Variants in TBPL1 observed in about 807,000 individuals in gnomAD.
The protein encoded by TBPL1 is TATA box-binding protein-like 1.
TBPL1 carries 4 observed loss-of-function variants against 22.1 expected under a neutral mutation model. The ratio of observed to expected loss-of-function variants is 0.18; its 90% CI spans 0.09 to 0.41. The LOEUF (loss-of-function observed/expected upper bound fraction) is 0.41, where lower values mean the gene tolerates loss of function less well. Ranked by LOEUF, TBPL1 falls within the 10% of genes least tolerant of loss-of-function variation. The probability of loss-of-function intolerance (pLI) is 1.00; values close to 1 mark genes in which losing one functional copy is unlikely to be tolerated. For missense variants in TBPL1, 115 were observed against 222.3 expected (o/e 0.52, Z 3.07); for synonymous variants, 64 against 71.0 (o/e 0.90, Z 0.50).
rs1776144041 is a variant in TBPL1 at position 133,967,689 on chromosome 6, G to A, written c.-44-12393G>A. ...TAAGTATTTGGGTATCTAAACATAG[G>A]AAAGGTGTAGTAGAACTACGGTATT... On this transcript the variant is annotated intron_variant, in intron 1 of 6. Coordinates refer to ENST00000237264, the MANE Select transcript of TBPL1 (RefSeq NM_004865.4). 2.6e-5 allele frequency among the ~76,000 whole-genome samples: 4 copies of A among 152,144 alleles called. 1 individual carries two copies. In the South Asian group the frequency reaches 8.3e-4, roughly 31 times the overall value.
At chr6:133,954,205 TCTGA>T (rs1477509344) in intron 1 of TBPL1, among the ~76,000 whole-genome samples, 4 of 152,250 alleles carry the variant, frequency 2.6e-5, no homozygotes, top group African/African-American at 7.2e-5. Flanking sequence ...CTGTGAGCTC[TCTGA>T]CTGCATCTGT....
Position 133,982,799 on chromosome 6 carries a change from CT to C in TBPL1, c.219-15del. The C allele has an allele frequency of 6.2e-7, 1 of 1,605,938 alleles. No homozygotes were observed. Among genetic ancestry groups the C allele is most frequent in the Non-Finnish European group, 8.5e-7 (1 of 1,177,824 alleles). On this transcript the variant is annotated splice_polypyrimidine_tract_variant and intron_variant, in intron 3 of 6. Transcript: ENST00000237264. ...TTCCTGTGTAACTGATAATCTTTTT[CT>C]TTCCTTAAAACCGTAGTGAAGAAGA...
chr6:133,953,990 A>G (rs1775883738), intron 1 of TBPL1, among the ~76,000 whole-genome samples: 1 of 152,194 alleles, frequency 6.6e-6, no homozygotes, highest in South Asian at 2.1e-4. Context: ...AGGATCTAGA[A>G]CTGAAGAAGA....
In TBPL1 at chr6:133,982,638, C is replaced by A; in HGVS notation, c.206C>A (p.Thr69Asn). The A allele has an allele frequency of 6.2e-7, 1 of 1,613,094 alleles. No individual in the cohort carries two copies. The highest frequency in any genetic ancestry group is 8.5e-7 in the Non-Finnish European group (1 of 1,179,690). The stretch of plus-strand genomic sequence containing the variant: ...TGGTCCTCAGGAAAAATTATTTGCA[C>A]TGGAGCAACAAGGTAAATGCTACTT... The part of the protein sequence containing the change: ...TIWSSGKIIC[T>N]GATSEEEAKF... Residue 69 changes from threonine to asparagine, a missense_variant, in exon 3 of 7, where the codon ACT becomes AAT. Transcript: ENST00000237264.
At chr6:133,960,549 A>C (rs1776004093) in intron 1 of TBPL1, among the ~76,000 whole-genome samples, 1 of 151,988 alleles carries the variant, frequency 6.6e-6, no homozygotes. Context: ...CTGTACATTT[A>C]GAATGCATGC....
chr6:133,981,543 T>C (rs1562666524), intron 2 of TBPL1, among the ~76,000 whole-genome samples: 2 of 152,208 alleles, frequency 1.3e-5, no homozygotes, highest in Non-Finnish European at 2.9e-5. Context: ...GACAATTAAA[T>C]GTAGGATAAA....
intron 1 of TBPL1, among the ~76,000 whole-genome samples, chr6:133,965,267 TTTAAAA>T (rs1323757939): frequency 6.6e-6 from 1 of 152,156 alleles, no homozygotes; most frequent in Non-Finnish European, 1.5e-5. Context: ...CTTTTTAGCT[TTTAAAA>T]TTATAGTCCG....
chr6:133,969,252 T>A (rs944691456), intron 1 of TBPL1, among the ~76,000 whole-genome samples: 1 of 94,600 alleles, frequency 1.1e-5, no homozygotes, highest in Non-Finnish European at 2.0e-5. Flanking sequence ...TAAAATACAC[T>A]TTTTTTTTTT....
At chr6:133,984,047 AT>A (rs574219078) in intron 4 of TBPL1, among the ~76,000 whole-genome samples, 1 of 152,044 alleles carries the variant, frequency 6.6e-6, no homozygotes, top group South Asian at 2.1e-4. Flanking sequence ...CTGGACTTAA[AT>A]TTTTTTTCCC....
chr6:133,974,173 C>G (rs1252872981), intron 1 of TBPL1, among the ~76,000 whole-genome samples: 1 of 152,156 alleles, frequency 6.6e-6, no homozygotes, highest in African/African-American at 2.4e-5. Flanking sequence ...GGACCTCTGT[C>G]TACATCTCTA....
At chr6:133,955,357 G>A (rs2114313248) in intron 1 of TBPL1, among the ~76,000 whole-genome samples, 1 of 151,518 alleles carries the variant, frequency 6.6e-6, no homozygotes, top group Admixed American at 6.6e-5. Context: ...AACTTTGGTG[G>A]TAGTTTAGTT....
chr6:133,984,785 A>G, intron 6 of TBPL1, 114 bp downstream of exon 6: 3 of 856,484 alleles, frequency 3.5e-6, no homozygotes, highest in Non-Finnish European at 5.5e-6. Context: ...TCTGCCCTTT[A>G]GAGGAACCAG....
rs140691199 is a variant in TBPL1 at position 133,960,369 on chromosome 6, G to A, written c.-45+6944G>A. On this transcript the variant is annotated intron_variant, in intron 1 of 6. Transcript: ENST00000237264. ...CAGATTAAAAAGCTATATTGCTAATGGAAATCTGTAGGTCTCAGTATAGCA... is the reference window on the plus strand; with the variant it reads ...CAGATTAAAAAGCTATATTGCTAATAGAAATCTGTAGGTCTCAGTATAGCA... Among the ~76,000 whole-genome samples the A allele has an allele frequency of 9.5e-3, 1,440 of 151,370 alleles. 33 individuals carry two copies. Among genetic ancestry groups the A allele is most frequent in the African/African-American group, 0.032 (1,301 of 41,244 alleles).
At chr6:133,961,400 T>C (rs1232414143) in intron 1 of TBPL1, among the ~76,000 whole-genome samples, 3 of 151,902 alleles carry the variant, frequency 2.0e-5, no homozygotes, top group East Asian at 3.9e-4. Flanking sequence ...GTTGCTCTTC[T>C]CCCAGTGTTT....
rs954297830 is a variant in TBPL1, at chr6:133,989,145, G to A, written c.*2105G>A. ...CTAACCTTAACAAAGATGGGAAGAA[G>A]TGAGTGCTCTGATGTCTTCTGCTGG... On this transcript the variant is annotated 3_prime_UTR_variant, in exon 7 of 7. Transcript: ENST00000237264. The A allele has an allele frequency of 2.6e-5, 4 of 152,184 alleles. No homozygotes were observed. The highest frequency in any genetic ancestry group is 1.5e-5 in the Non-Finnish European group (1 of 68,044). 9.4% of individuals were successfully genotyped at this position (152,184 alleles called of 1,614,324 possible). A position where few individuals can be genotyped will look rare whatever the true frequency, so the allele number is the denominator to read the frequency against.
intron 1 of TBPL1, among the ~76,000 whole-genome samples, chr6:133,969,439 T>A (rs1776180584): frequency 6.6e-6 from 1 of 152,158 alleles, no homozygotes; most frequent in African/African-American, 2.4e-5. Context: ...ATATCTAGAT[T>A]GAGTCTCATA....
At position 133,985,297 on chromosome 6, in the gene TBPL1, AATATATATATATAT is replaced by A. The variant is rs3068194; in HGVS notation, c.481+654_481+667del. 4.6e-3 allele frequency among the ~76,000 whole-genome samples: 199 copies of A among 42,812 alleles called. 3 individuals carry two copies. The highest frequency in any genetic ancestry group is 9.4e-3 in the South Asian group (9 of 958). 28.1% of individuals were successfully genotyped at this position (42,812 alleles called of 152,430 possible). Reference sequence around the variant, plus strand: ...TGTCTAAAAAAAAAAAAAAAAAAAAAATATATATATATATATATATATATATATATATATATATA... The same window carrying A: ...TGTCTAAAAAAAAAAAAAAAAAAAAAATATATATATATATATATATATATA... On this transcript the variant is annotated intron_variant, in intron 6 of 6. Coordinates refer to ENST00000237264, the MANE Select transcript of TBPL1 (RefSeq NM_004865.4).
rs1006423088 is a variant in TBPL1, at chr6:133,989,915, GT to G, written c.*2881del. Reference sequence around the variant, plus strand: ...CAAGTTAGGTTGTTCGTGCTTTTAAGTTTTTTGTGTGTCTTCCATCACTTAA... The same window carrying G: ...CAAGTTAGGTTGTTCGTGCTTTTAAGTTTTTGTGTGTCTTCCATCACTTAA... On this transcript the variant is annotated 3_prime_UTR_variant, in exon 7 of 7. Coordinates refer to ENST00000237264, the MANE Select transcript of TBPL1 (RefSeq NM_004865.4). The G allele has an allele frequency of 6.6e-6, 1 of 152,172 alleles. No homozygotes were observed. Among genetic ancestry groups the G allele is most frequent in the African/African-American group, 2.4e-5 (1 of 41,462 alleles). 9.4% of individuals were successfully genotyped at this position (152,172 alleles called of 1,614,324 possible).
At chr6:133,986,204 G>A (rs1281260989) in intron 6 of TBPL1, among the ~76,000 whole-genome samples, 4 of 152,166 alleles carry the variant, frequency 2.6e-5, no homozygotes, top group Non-Finnish European at 5.9e-5. Context: ...AGAGTTTACA[G>A]TGGGTGGATT....
Sources: gnomAD v4.1 joint callset for allele counts (sites outside exome capture counted in the v4.1 genomes callset) on GRCh38, gnomAD v4.1.1 for gene constraint, MANE v1.5 for transcripts, NCBI Gene and HGNC (gene_info 2026-07-23, HGNC 2026-07-21) for gene names.